Variants in YWHAG observed in about 807,000 individuals in gnomAD.
The protein encoded by YWHAG is 14-3-3 protein gamma.
A neutral mutation model predicts 23.3 loss-of-function variants in YWHAG; 1 was observed. The ratio of observed to expected loss-of-function variants is 0.04; its 90% CI spans 0.02 to 0.20. The LOEUF (loss-of-function observed/expected upper bound fraction) is 0.20. Among genes scored for constraint, YWHAG ranks in the 10% least tolerant of loss-of-function variants. The probability of loss-of-function intolerance (pLI) is 1.00; values close to 1 mark genes in which losing one functional copy is unlikely to be tolerated. For missense variants in YWHAG, 151 were observed against 338.6 expected, an observed-to-expected ratio of 0.45 and a Z score of 4.35; for synonymous variants, 160 against 144.0, an observed-to-expected ratio of 1.11 and a Z score of -0.80.
rs576479104 is a variant in YWHAG at position 76,349,357 on chromosome 7, C to T, written c.87+9365G>A. On this transcript the variant is annotated intron_variant, in intron 1 of 1. Transcript: ENST00000307630. Reference sequence around the variant, plus strand: ...TGTCTCAAAAAAAAAAAAAAAAATACCAAAAAGTACCGTTAAGTTTTCCAT... The same window carrying T: ...TGTCTCAAAAAAAAAAAAAAAAATATCAAAAAGTACCGTTAAGTTTTCCAT... Among the ~76,000 whole-genome samples, 509 of 147,488 alleles carry T rather than the reference C, an allele frequency of 3.5e-3. 2 individuals carry two copies. The highest frequency in any genetic ancestry group is 0.012 in the African/African-American group (484 of 40,472).
chr7:76,340,792 G>T (rs1563664937), intron 1 of YWHAG, among the ~76,000 whole-genome samples: 1 of 152,284 alleles, frequency 6.6e-6, no homozygotes, highest in Admixed American at 6.5e-5. Context: ...AATTGTAGCA[G>T]TTTCTCAAAA....
intron 1 of YWHAG, among the ~76,000 whole-genome samples, chr7:76,338,077 A>C (rs892501961): frequency 6.6e-6 from 1 of 152,148 alleles, no homozygotes; most frequent in Admixed American, 6.6e-5. Context: ...TAGTATATAC[A>C]TCACATTGTA....
At chr7:76,351,829 T>C (rs1433354003) in intron 1 of YWHAG, among the ~76,000 whole-genome samples, 1 of 152,152 alleles carries the variant, frequency 6.6e-6, no homozygotes, top group Non-Finnish European at 1.5e-5. Flanking sequence ...AATGTAGCAA[T>C]AATAAAGTGC....
chr7:76,356,204 T>A (rs1803953087), intron 1 of YWHAG, among the ~76,000 whole-genome samples: 1 of 152,230 alleles, frequency 6.6e-6, no homozygotes, highest in Admixed American at 6.5e-5. Flanking sequence ...CGATGACTTT[T>A]ATAAACAGGA....
chr7:76,351,334 T>C (rs1803869524), intron 1 of YWHAG, among the ~76,000 whole-genome samples: 1 of 152,206 alleles, frequency 6.6e-6, no homozygotes, highest in Non-Finnish European at 1.5e-5. Context: ...GGAATGCCCT[T>C]TTCTGTTGTT....
At chr7:76,354,992 A>G (rs1803930576) in intron 1 of YWHAG, among the ~76,000 whole-genome samples, 1 of 152,262 alleles carries the variant, frequency 6.6e-6, no homozygotes, top group South Asian at 2.1e-4. Context: ...ACAAAGGGAT[A>G]GACAATTATC....
intron 1 of YWHAG, among the ~76,000 whole-genome samples, chr7:76,331,603 T>A (rs146659344): frequency 6.6e-6 from 1 of 152,036 alleles, no homozygotes; most frequent in Non-Finnish European, 1.5e-5. Context: ...GTATTTTATG[T>A]GTGGCCCAAG....
At chr7:76,342,130 A>C (rs904590418) in intron 1 of YWHAG, among the ~76,000 whole-genome samples, 1 of 152,212 alleles carries the variant, frequency 6.6e-6, no homozygotes, top group Non-Finnish European at 1.5e-5. Flanking sequence ...AATGTAGTGC[A>C]GGTTATATTT....
rs1313630923 is a variant in YWHAG, at chr7:76,355,051, T to C, written c.87+3671A>G. Among the ~76,000 whole-genome samples, 5 of 152,332 alleles carry C rather than the reference T, an allele frequency of 3.3e-5. No homozygotes were observed. The East Asian group carries it at 9.6e-4, about 29-fold the overall frequency. ...ACTCCATTATCGACACATTCCTGAA[T>C]AGGTGCTGAATTCCAGCCAGCTGTA... On this transcript the variant is annotated intron_variant, in intron 1 of 1. Coordinates refer to ENST00000307630, the MANE Select transcript of YWHAG (RefSeq NM_012479.4).
intron 1 of YWHAG, among the ~76,000 whole-genome samples, chr7:76,333,024 G>A (rs1467136876): frequency 1.3e-5 from 2 of 152,070 alleles, no homozygotes; most frequent in African/African-American, 4.8e-5. Flanking sequence ...CGCTGGAAGT[G>A]CAGTGGCACT....
At chr7:76,348,265 G>A (rs1434940825) in intron 1 of YWHAG, among the ~76,000 whole-genome samples, 3 of 127,382 alleles carry the variant, frequency 2.4e-5, no homozygotes, top group African/African-American at 6.0e-5. Context: ...CTTAGACTTC[G>A]TTTTTTTTTT....
At chr7:76,331,482 G>A (rs772242934) in intron 1 of YWHAG, among the ~76,000 whole-genome samples, 3 of 151,914 alleles carry the variant, frequency 2.0e-5, no homozygotes, top group Non-Finnish European at 4.4e-5. Flanking sequence ...TGTAGCCCAG[G>A]ATGGCTTTGA....
chr7:76,358,920 G>C lies in YWHAG; in HGVS notation c.-112C>G, dbSNP rs1804007467. 6 of 1,012,520 alleles carry C rather than the reference G, an allele frequency of 5.9e-6. No individual in the cohort carries two copies. Among genetic ancestry groups the C allele is most frequent in the Non-Finnish European group, 6.7e-6 (5 of 744,358 alleles). 62.7% of individuals were successfully genotyped at this position (1,012,520 alleles called of 1,614,324 possible). On this transcript the variant is annotated 5_prime_UTR_variant, in exon 1 of 2. Coordinates refer to ENST00000307630, the MANE Select transcript of YWHAG (RefSeq NM_012479.4). ...CGGAGAGGACCGACCCACAGAGCGA[G>C]CAGCTGAGGCGGCGGCTGCGCGGAG...
At chr7:76,353,129 CA>C (rs1803899619) in intron 1 of YWHAG, among the ~76,000 whole-genome samples, 1 of 152,218 alleles carries the variant, frequency 6.6e-6, no homozygotes, top group Non-Finnish European at 1.5e-5. Flanking sequence ...TTAAGATTTA[CA>C]ATTTTTATTT....
At position 76,329,679 on chromosome 7, in the gene YWHAG, G is replaced by C; in HGVS notation, c.642C>G (p.Asp214Glu). ...TGATGAGCGTGGAGTCCTTGTAGGA[G>C]TCCTCGTTGAGGGTGTCAAGCTCGG... ...AIAELDTLNE[D>E]SYKDSTLIMQ... Residue 214 changes from aspartate (D) to glutamate (E), a missense_variant, in exon 2 of 2, where the codon GAC becomes GAG. Transcript: ENST00000307630. This position sits in a 1 kb window ranked among gnomAD's most constrained non-coding sequence, Gnocchi z 6.1. 1 of 1,614,258 alleles carries C rather than the reference G, an allele frequency of 6.2e-7. No individual in the cohort carries two copies. The highest frequency in any genetic ancestry group is 8.5e-7 in the Non-Finnish European group (1 of 1,180,054).
Position 76,329,489 on chromosome 7 carries a change from T to TGCCCC in YWHAG, c.*87_*88insGGGGC. Reference sequence around the variant, plus strand: ...TCCCTGGGAAGGTCATCCCTCCCTTTCCCTCCCCCACCCGACCCCCAACTC... The same window carrying TGCCCC: ...TCCCTGGGAAGGTCATCCCTCCCTTTGCCCCCCCTCCCCCACCCGACCCCCAACTC... On this transcript the variant is annotated 3_prime_UTR_variant, in exon 2 of 2. Transcript: ENST00000307630. The surrounding 1 kb of genome is among the most constrained non-coding windows in gnomAD (Gnocchi z 6.1). The TGCCCC allele has an allele frequency of 1.5e-5, 15 of 1,024,212 alleles. No individual in the cohort carries two copies. Among genetic ancestry groups the TGCCCC allele is most frequent in the East Asian group, 3.5e-5 (1 of 28,686 alleles). 63.4% of individuals were successfully genotyped at this position (1,024,212 alleles called of 1,614,324 possible).
chr7:76,347,985 C>T (rs185092704), intron 1 of YWHAG, among the ~76,000 whole-genome samples: 155 of 152,268 alleles, frequency 1.0e-3, no homozygotes, highest in Non-Finnish European at 1.6e-3. Context: ...TAAAAGAAAC[C>T]GGGTTACACT....
chr7:76,345,795 C>T (rs867883559), intron 1 of YWHAG, among the ~76,000 whole-genome samples: 4 of 151,848 alleles, frequency 2.6e-5, no homozygotes, highest in Non-Finnish European at 5.9e-5. Context: ...ATTAGCTGGG[C>T]ATGGTGGCAC....
chr7:76,340,134 A>G (rs1003398637), intron 1 of YWHAG, among the ~76,000 whole-genome samples: 9 of 152,102 alleles, frequency 5.9e-5, no homozygotes, highest in African/African-American at 2.2e-4. Flanking sequence ...ACAAAAAACA[A>G]ACAAAAAGGT....
Sources: gnomAD v4.1 joint callset for allele counts (sites outside exome capture counted in the v4.1 genomes callset) on GRCh38, gnomAD v4.1.1 for gene constraint, Gnocchi (gnomAD v3.1) non-coding constraint, MANE v1.5 for transcripts, NCBI Gene and HGNC (gene_info 2026-07-23, HGNC 2026-07-21) for gene names.